Variants in COL8A1 observed in about 807,000 individuals in gnomAD.
The protein encoded by COL8A1 is collagen type VIII alpha 1 chain.
Under a neutral mutation model 42.7 loss-of-function variants are expected in COL8A1, and 21 were observed. The ratio of observed to expected loss-of-function variants is 0.49; its 90% CI spans 0.35 to 0.71. COL8A1 has a LOEUF of 0.71. Ranked by LOEUF, COL8A1 falls within the 30% of genes least tolerant of loss-of-function variation. The pLI, the probability that COL8A1 is intolerant of heterozygous loss-of-function variation, is 0.01. For synonymous variants in COL8A1, 367 were observed against 369.1 expected, an observed-to-expected ratio of 0.99 and a Z score of 0.06; for missense variants, 788 against 962.4, an observed-to-expected ratio of 0.82 and a Z score of 2.40.
At chr3:99,669,143 ATATAGAGG>A (rs1172242214) in intron 1 of COL8A1, among the ~76,000 whole-genome samples, 2 of 120,072 alleles carry the variant, frequency 1.7e-5, no homozygotes, top group African/African-American at 3.0e-5. Context: ...ATATATATAT[ATATAGAGG>A]GAGAGAGAGA....
intron 1 of COL8A1, among the ~76,000 whole-genome samples, chr3:99,722,380 G>A (rs1453179172): frequency 3.3e-5 from 5 of 152,084 alleles, no homozygotes; most frequent in Admixed American, 2.6e-4. Context: ...GATTTAGCAT[G>A]TGCAAAAACC....
At chr3:99,649,009 C>T (rs995939598) in intron 1 of COL8A1, among the ~76,000 whole-genome samples, 3 of 152,084 alleles carry the variant, frequency 2.0e-5, no homozygotes, top group Admixed American at 6.5e-5. Flanking sequence ...GCTTTTTCCC[C>T]CATGCTCACA....
intron 2 of COL8A1, among the ~76,000 whole-genome samples, chr3:99,747,020 A>G (rs1414802821): frequency 6.6e-6 from 1 of 152,222 alleles, no homozygotes; most frequent in Non-Finnish European, 1.5e-5. Context: ...ACAAATGTAG[A>G]TAATGACCAA....
intron 1 of COL8A1, among the ~76,000 whole-genome samples, chr3:99,700,956 T>C (rs1939520064): frequency 6.6e-6 from 1 of 152,200 alleles, no homozygotes. Context: ...CGTATAGGCT[T>C]TCTCACTCTT....
intron 1 of COL8A1, chr3:99,680,250 G>C (rs1938829549): frequency 6.6e-6 from 1 of 152,228 alleles, no homozygotes; most frequent in South Asian, 2.1e-4. Flanking sequence ...GCGGTGTTTG[G>C]TTTTCTGTCT....
chr3:99,671,845 G>T (rs1342178139), intron 1 of COL8A1, among the ~76,000 whole-genome samples: 1 of 151,984 alleles, frequency 6.6e-6, no homozygotes, highest in East Asian at 1.9e-4. Context: ...AATGAGATCA[G>T]TATGTCAAGA....
At chr3:99,774,735 C>T (rs1461382873) in intron 2 of COL8A1, among the ~76,000 whole-genome samples, 1 of 152,202 alleles carries the variant, frequency 6.6e-6, no homozygotes, top group African/African-American at 2.4e-5. Flanking sequence ...CTAGGCAACG[C>T]CTCTAGACTG....
intron 1 of COL8A1, chr3:99,680,170 G>A (rs189628145): frequency 3.6e-5 from 5 of 140,144 alleles, no homozygotes; most frequent in South Asian, 2.5e-4. Context: ...GACAGGCCCC[G>A]GTGTGTGACG....
At chr3:99,783,999 T>C (rs1281627977) in intron 2 of COL8A1, among the ~76,000 whole-genome samples, 2 of 152,200 alleles carry the variant, frequency 1.3e-5, no homozygotes, top group Admixed American at 1.3e-4. Flanking sequence ...AAGCTTGTAT[T>C]CCTAGTCAGA....
chr3:99,762,618 T>C (rs1177170675), intron 2 of COL8A1, among the ~76,000 whole-genome samples: 15 of 152,174 alleles, frequency 9.9e-5, no homozygotes, highest in Admixed American at 9.8e-4. Context: ...AGCAAAACTC[T>C]ATCCACAGCC....
At chr3:99,648,353 C>T (rs573584713) in intron 1 of COL8A1, among the ~76,000 whole-genome samples, 5 of 152,234 alleles carry the variant, frequency 3.3e-5, no homozygotes, top group Non-Finnish European at 5.9e-5. Flanking sequence ...CCTATGACAA[C>T]GCCTCTGACT....
chr3:99,736,943 T>C (rs539743375), intron 1 of COL8A1, among the ~76,000 whole-genome samples: 5 of 152,346 alleles, frequency 3.3e-5, no homozygotes, highest in South Asian at 4.1e-4. Context: ...ATATTTAGGA[T>C]AGTTAGCTCT....
At chr3:99,675,962 C>A (rs753726016) in intron 1 of COL8A1, among the ~76,000 whole-genome samples, 1 of 151,920 alleles carries the variant, frequency 6.6e-6, no homozygotes, top group Non-Finnish European at 1.5e-5. Flanking sequence ...TCTTGGCGAA[C>A]TTAAAAGAAT....
At chr3:99,778,027 A>T (rs1941726375) in intron 2 of COL8A1, among the ~76,000 whole-genome samples, 1 of 152,222 alleles carries the variant, frequency 6.6e-6, no homozygotes, top group Admixed American at 6.5e-5. Context: ...CATGGCAAGG[A>T]TGTGGCCCAC....
intron 1 of COL8A1, among the ~76,000 whole-genome samples, chr3:99,638,873 A>T (rs955805760): frequency 6.6e-6 from 1 of 152,174 alleles, no homozygotes; most frequent in Non-Finnish European, 1.5e-5. Context: ...AGCAGCATAA[A>T]TATTGCGAAA....
chr3:99,682,229 A>T (rs1236272385), intron 1 of COL8A1, among the ~76,000 whole-genome samples: 1 of 152,136 alleles, frequency 6.6e-6, no homozygotes, highest in Non-Finnish European at 1.5e-5. Flanking sequence ...AGCTTGGGCA[A>T]CATGGTGAAA....
At chr3:99,641,850 GA>G (rs1405285896) in intron 1 of COL8A1, among the ~76,000 whole-genome samples, 1 of 152,156 alleles carries the variant, frequency 6.6e-6, no homozygotes, top group Non-Finnish European at 1.5e-5. Context: ...GTATTCTTGT[GA>G]AAGGTGCACT....
chr3:99,692,379 C>G (rs557132837), intron 1 of COL8A1, among the ~76,000 whole-genome samples: 1 of 152,346 alleles, frequency 6.6e-6, no homozygotes, highest in Non-Finnish European at 1.5e-5. Flanking sequence ...ATGGCCATAT[C>G]TAAACTAATA....
chr3:99,712,046 G>C (rs975741578), intron 1 of COL8A1, among the ~76,000 whole-genome samples: 25 of 152,088 alleles, frequency 1.6e-4, no homozygotes, highest in African/African-American at 6.0e-4. Context: ...ACTTGGAAGT[G>C]AGCAAAACAG....
Sources: gnomAD v4.1 joint callset for allele counts (sites outside exome capture counted in the v4.1 genomes callset) on GRCh38, gnomAD v4.1.1 for gene constraint, MANE v1.5 for transcripts, NCBI Gene and HGNC (gene_info 2026-07-23, HGNC 2026-07-21) for gene names.